The following NFAT5 variants were observed in gnomAD, a reference collection of about 807,000 sequenced individuals.
NFAT5 encodes the protein nuclear factor of activated T cells 5, also known as nuclear factor of activated T-cells 5.
Under a neutral mutation model 166.5 loss-of-function variants are expected in NFAT5, and 31 were observed. The ratio of observed to expected loss-of-function variants is 0.19; its 90% CI spans 0.14 to 0.25. NFAT5 has a LOEUF of 0.25. NFAT5 is among the 10% of genes least tolerant of loss of function. The pLI is 1.00. For synonymous variants in NFAT5, 612 were observed against 639.7 expected, an observed-to-expected ratio of 0.96 and a Z score of 0.65; for missense variants, 1,449 against 1,821.8, an observed-to-expected ratio of 0.80 and a Z score of 3.72.
rs1282627881 is a variant in NFAT5 at position 69,702,768 on chromosome 16, G to A, written c.*6417G>A. The stretch of plus-strand genomic sequence containing the variant: ...TTTTTCTTCCACTCAGACTGATATA[G>A]TTATACATTGTTCTTCATGTAAATT... On this transcript the variant is annotated 3_prime_UTR_variant, in exon 15 of 15. Coordinates refer to ENST00000349945, the MANE Select transcript of NFAT5 (RefSeq NM_138713.4). 6.6e-6 allele frequency: 1 copy of A among 152,584 alleles called. No individual in the cohort carries two copies. Among genetic ancestry groups the A allele is most frequent in the Non-Finnish European group, 1.5e-5 (1 of 68,024 alleles). 9.5% of individuals were successfully genotyped at this position (152,584 alleles called of 1,614,324 possible).
At chr16:69,677,875 G>A (rs1225297634) in intron 10 of NFAT5, among the ~76,000 whole-genome samples, 1 of 152,104 alleles carries the variant, frequency 6.6e-6, no homozygotes, top group Admixed American at 6.6e-5. Context: ...ATTTTAGGCT[G>A]GGTGCGGTGA....
At position 69,698,995 on chromosome 16, in the gene NFAT5, C is replaced by G. The variant is rs1014037551; in HGVS notation, c.*2644C>G. On this transcript the variant is annotated 3_prime_UTR_variant, in exon 15 of 15. Transcript: ENST00000349945. ...TATGAGGAGGATCAGCCACACAATCCAGTGCTTCAGTTTGAAAATGTAAAA... is the reference window on the plus strand; with the variant it reads ...TATGAGGAGGATCAGCCACACAATCGAGTGCTTCAGTTTGAAAATGTAAAA... 1 of 152,576 alleles carries G rather than the reference C, an allele frequency of 6.6e-6. No homozygotes were observed. 9.5% of individuals were successfully genotyped at this position (152,576 alleles called of 1,614,324 possible).
At chr16:69,663,588 G>A (rs1008276873) in intron 7 of NFAT5, among the ~76,000 whole-genome samples, 15 of 121,486 alleles carry the variant, frequency 1.2e-4, no homozygotes, top group Non-Finnish European at 1.4e-4. Context: ...AAAAAAAAAA[G>A]GCCAGGTGCA....
chr16:69,648,952 C>T (rs549935106), intron 4 of NFAT5: 126 of 976,752 alleles, frequency 1.3e-4, no homozygotes, highest in African/African-American at 1.1e-3. Flanking sequence ...TACTCTACAC[C>T]GCTTCTTTAC....
Position 69,691,851 on chromosome 16 carries a change from G to A in NFAT5, c.2026G>A (p.Glu676Lys), listed in dbSNP as rs2037556829. Reference sequence around the variant, plus strand: ...ACCATCATCTTCCCACCTACCTTCTGAAAATGAAAAACAGCAGCAGATTCA... The same window carrying A: ...ACCATCATCTTCCCACCTACCTTCTAAAAATGAAAAACAGCAGCAGATTCA... The part of the protein sequence containing the change: ...SSPSSSHLPS[E>K]NEKQQQIQPK... Residue 676 changes from glutamate to lysine, a missense_variant, in exon 13 of 15, where the codon GAA (glutamate) becomes AAA (lysine). Glu to Lys is a moderately conservative substitution (Grantham distance 56). Coordinates refer to ENST00000349945, the MANE Select transcript of NFAT5 (RefSeq NM_138713.4). 6.2e-7 allele frequency: 1 copy of A among 1,614,082 alleles called. No individual in the cohort carries two copies. Among genetic ancestry groups the A allele is most frequent in the African/African-American group, 1.3e-5 (1 of 75,020 alleles).
intron 5 of NFAT5, among the ~76,000 whole-genome samples, chr16:69,653,668 G>A (rs982331240): frequency 2.7e-5 from 4 of 150,342 alleles, no homozygotes; most frequent in African/African-American, 9.8e-5. Flanking sequence ...CTCTGCCTCC[G>A]GGGTGCAAGT....
intron 3 of NFAT5, among the ~76,000 whole-genome samples, chr16:69,631,957 T>C (rs190646726): frequency 6.6e-6 from 1 of 152,358 alleles, no homozygotes; most frequent in East Asian, 1.9e-4. Context: ...GGAAGAGCTT[T>C]GATATATAGT....
At chr16:69,590,450 A>C (rs1182900584) in intron 2 of NFAT5, among the ~76,000 whole-genome samples, 1 of 152,330 alleles carries the variant, frequency 6.6e-6, no homozygotes, top group African/African-American at 2.4e-5. Flanking sequence ...AGGCAGTTCT[A>C]GTTCTTTCTT....
intron 4 of NFAT5, among the ~76,000 whole-genome samples, chr16:69,651,060 T>C (rs1418009763): frequency 6.6e-6 from 1 of 152,218 alleles, no homozygotes; most frequent in Non-Finnish European, 1.5e-5. Flanking sequence ...GCACAAGTAA[T>C]CTTTGATTTA....
At chr16:69,578,066 G>C (rs2031414258) in intron 2 of NFAT5, among the ~76,000 whole-genome samples, 1 of 152,068 alleles carries the variant, frequency 6.6e-6, no homozygotes, top group Non-Finnish European at 1.5e-5. Context: ...CCTAAGTGAT[G>C]CAGTGTAACA....
chr16:69,580,687 G>A (rs1319511784), intron 2 of NFAT5, among the ~76,000 whole-genome samples: 1 of 151,942 alleles, frequency 6.6e-6, no homozygotes, highest in African/African-American at 2.4e-5. Flanking sequence ...ATGGTGTCTC[G>A]CTCTGTCACC....
intron 3 of NFAT5, among the ~76,000 whole-genome samples, chr16:69,627,799 G>A (rs2034536069): frequency 6.6e-6 from 1 of 152,104 alleles, no homozygotes; most frequent in African/African-American, 2.4e-5. Flanking sequence ...TTGATAAGAT[G>A]ACCTGGTTTG....
At chr16:69,576,041 G>A (rs1232020339) in intron 2 of NFAT5, among the ~76,000 whole-genome samples, 2 of 151,940 alleles carry the variant, frequency 1.3e-5, no homozygotes, top group Non-Finnish European at 1.5e-5. Context: ...GGTGGCTCAC[G>A]CCTGTAATCC....
chr16:69,607,372 A>G (rs534405573), intron 2 of NFAT5, among the ~76,000 whole-genome samples: 2 of 152,264 alleles, frequency 1.3e-5, no homozygotes, highest in South Asian at 2.1e-4. Context: ...TCTTCTTTTT[A>G]CTTTATCCCC....
intron 4 of NFAT5, chr16:69,649,620 A>G: frequency 4.5e-6 from 4 of 885,092 alleles, no homozygotes; most frequent in Non-Finnish European, 5.4e-6. Context: ...AGAATTTTAA[A>G]ATTGGAATTT....
At chr16:69,608,949 G>A (rs2033566529) in intron 2 of NFAT5, among the ~76,000 whole-genome samples, 2 of 151,472 alleles carry the variant, frequency 1.3e-5, no homozygotes, top group Middle Eastern at 3.4e-3. Flanking sequence ...GTGAAAACCC[G>A]TCTGTACTAA....
rs143145013 is a variant in NFAT5, at chr16:69,616,518, C to T, written c.128-9885C>T. 1.8e-3 allele frequency among the ~76,000 whole-genome samples: 276 copies of T among 152,176 alleles called. 2 individuals carry two copies. Among genetic ancestry groups the T allele is most frequent in the African/African-American group, 6.2e-3 (259 of 41,506 alleles). On this transcript the variant is annotated intron_variant, in intron 2 of 14. Coordinates refer to ENST00000349945, the MANE Select transcript of NFAT5 (RefSeq NM_138713.4). ...TACTCCTTGGGCTAGGCTGTCCATC[C>T]ATATGGAGATTTGCGTTCTGTTTGG...
intron 3 of NFAT5, among the ~76,000 whole-genome samples, chr16:69,637,550 A>C (rs7203800): frequency 2.0e-5 from 3 of 152,144 alleles, no homozygotes; most frequent in Non-Finnish European, 4.4e-5. Context: ...CACTTCTTAC[A>C]TGGTGGCAGC....
intron 9 of NFAT5, among the ~76,000 whole-genome samples, chr16:69,673,714 CT>C (rs1287573448): frequency 6.6e-6 from 1 of 151,608 alleles, no homozygotes; most frequent in Non-Finnish European, 1.5e-5. Flanking sequence ...CAGTGAGACC[CT>C]GTCTCAAACA....
Sources: allele counts gnomAD v4.1 joint callset (sites outside exome capture counted in the v4.1 genomes callset), GRCh38; gene constraint gnomAD v4.1.1; transcripts MANE v1.5; gene names NCBI Gene and HGNC (gene_info 2026-07-23, HGNC 2026-07-21).